Variants in LRRC4C observed in about 807,000 individuals in gnomAD.
The protein encoded by LRRC4C is leucine rich repeat containing 4C.
Under a neutral mutation model 33.6 loss-of-function variants are expected in LRRC4C, and 5 were observed. The ratio of observed to expected loss-of-function variants is 0.15; its 90% CI spans 0.08 to 0.31. The LOEUF (loss-of-function observed/expected upper bound fraction) is 0.31. Among genes scored for constraint, LRRC4C ranks in the 10% least tolerant of loss-of-function variants. The pLI is 1.00. For synonymous variants in LRRC4C, 329 were observed against 302.0 expected, an observed-to-expected ratio of 1.09 and a Z score of -0.93; for missense variants, 560 against 796.7, an observed-to-expected ratio of 0.70 and a Z score of 3.58.
intron 2 of LRRC4C, among the ~76,000 whole-genome samples, chr11:40,771,076 C>T (rs1160249571): frequency 1.3e-5 from 2 of 152,212 alleles, no homozygotes; most frequent in Non-Finnish European, 2.9e-5. Context: ...TCTGAACTCA[C>T]CTTTCCCTTC....
intron 3 of LRRC4C, among the ~76,000 whole-genome samples, chr11:40,513,495 C>T (rs1331266957): frequency 6.6e-6 from 1 of 152,042 alleles, no homozygotes; most frequent in Non-Finnish European, 1.5e-5. Flanking sequence ...AAGCACAGTG[C>T]AGCTGATAAG....
chr11:40,402,439 A>G (rs1949795771), intron 3 of LRRC4C, among the ~76,000 whole-genome samples: 1 of 152,114 alleles, frequency 6.6e-6, no homozygotes. Flanking sequence ...ACTAAGACTC[A>G]TGACTACAGA....
intron 4 of LRRC4C, among the ~76,000 whole-genome samples, chr11:40,313,841 T>A (rs1268594578): frequency 1.3e-5 from 2 of 151,896 alleles, no homozygotes; most frequent in Non-Finnish European, 2.9e-5. Flanking sequence ...TCTCGATCTC[T>A]TGACCTCGTG....
At chr11:41,348,624 C>G (rs1379686293) in intron 1 of LRRC4C, among the ~76,000 whole-genome samples, 1 of 151,344 alleles carries the variant, frequency 6.6e-6, no homozygotes, top group East Asian at 2.0e-4. Context: ...AAGACTGTTA[C>G]ACCCTGAACA....
At chr11:40,991,945 G>C (rs1853603034) in intron 1 of LRRC4C, among the ~76,000 whole-genome samples, 1 of 152,128 alleles carries the variant, frequency 6.6e-6, no homozygotes, top group Non-Finnish European at 1.5e-5. Context: ...CAGTTCCTAA[G>C]AGGCCACCAA....
At chr11:40,144,823 A>G (rs982470174) in intron 5 of LRRC4C, among the ~76,000 whole-genome samples, 1 of 152,246 alleles carries the variant, frequency 6.6e-6, no homozygotes, top group Non-Finnish European at 1.5e-5. Flanking sequence ...TCCCTATTAC[A>G]TGGTCTTTTA....
intron 1 of LRRC4C, among the ~76,000 whole-genome samples, chr11:40,988,812 G>T (rs1853286394): frequency 6.7e-6 from 1 of 149,232 alleles, no homozygotes; most frequent in Admixed American, 6.8e-5. Flanking sequence ...CACCTCCCGG[G>T]TTCATGCCAT....
chr11:40,803,752 C>T lies in LRRC4C; in HGVS notation c.-407+129883G>A, dbSNP rs892452467. Reference sequence around the variant, plus strand: ...CCTCCCAAAGTGCTGGGATTACAGGCGTGAGCCACCACGCCCGGCCTAATT... The same window carrying T: ...CCTCCCAAAGTGCTGGGATTACAGGTGTGAGCCACCACGCCCGGCCTAATT... On this transcript the variant is annotated intron_variant, in intron 2 of 6. Transcript: ENST00000528697. Among the ~76,000 whole-genome samples the T allele has an allele frequency of 8.5e-5, 13 of 152,188 alleles. No individual in the cohort carries two copies. In the South Asian group the frequency reaches 1.5e-3, roughly 17 times the overall value.
chr11:41,229,402 T>C (rs1427202463), intron 1 of LRRC4C, among the ~76,000 whole-genome samples: 2 of 152,120 alleles, frequency 1.3e-5, no homozygotes, highest in African/African-American at 4.8e-5. Context: ...GTGTATGGTA[T>C]TCTTTTGTGG....
intron 3 of LRRC4C, among the ~76,000 whole-genome samples, chr11:40,566,234 G>T (rs1465890433): frequency 6.6e-6 from 1 of 150,942 alleles, no homozygotes; most frequent in African/African-American, 2.4e-5. Flanking sequence ...AATTGGATTT[G>T]CTCATTATTT....
chr11:40,647,180 A>C (rs888898570), intron 3 of LRRC4C, among the ~76,000 whole-genome samples: 2 of 152,216 alleles, frequency 1.3e-5, no homozygotes, highest in Admixed American at 6.5e-5. Context: ...ACTGAGAGAG[A>C]GCTAAATATT....
At chr11:40,414,209 G>A (rs61888685) in intron 3 of LRRC4C, among the ~76,000 whole-genome samples, 8,370 of 152,098 alleles carry the variant, frequency 0.055, 326 homozygotes, top group Middle Eastern at 0.11. Context: ...TTAAAATCGT[G>A]TTGTAAAAGA....
chr11:40,582,210 G>A (rs550622051), intron 3 of LRRC4C, among the ~76,000 whole-genome samples: 36 of 152,110 alleles, frequency 2.4e-4, no homozygotes, highest in African/African-American at 7.0e-4. Flanking sequence ...ACATTTTTAC[G>A]TAAGGTTTTA....
At chr11:40,220,307 T>G (rs1317155788) in intron 5 of LRRC4C, among the ~76,000 whole-genome samples, 1 of 152,160 alleles carries the variant, frequency 6.6e-6, no homozygotes, top group East Asian at 1.9e-4. Flanking sequence ...GTCATGAAAG[T>G]TTTAGAGTTG....
At chr11:40,431,385 ACT>A (rs1565380995) in intron 3 of LRRC4C, among the ~76,000 whole-genome samples, 3 of 94,550 alleles carry the variant, frequency 3.2e-5, no homozygotes, top group Non-Finnish European at 3.9e-5. Flanking sequence ...ACAGGGCGAG[ACT>A]CTGTCTCAAA....
At chr11:40,785,614 A>T (rs1304528619) in intron 2 of LRRC4C, among the ~76,000 whole-genome samples, 3 of 152,198 alleles carry the variant, frequency 2.0e-5, no homozygotes, top group Non-Finnish European at 2.9e-5. Flanking sequence ...TCTTTATCTG[A>T]TTCACTGGAA....
chr11:40,221,023 C>T (rs1430713090), intron 5 of LRRC4C, among the ~76,000 whole-genome samples: 4 of 151,826 alleles, frequency 2.6e-5, no homozygotes, highest in South Asian at 2.1e-4. Flanking sequence ...TTACAGTCGT[C>T]GGCCACCATG....
intron 3 of LRRC4C, among the ~76,000 whole-genome samples, chr11:40,518,653 G>T (rs1052359473): frequency 2.0e-5 from 3 of 152,220 alleles, no homozygotes; most frequent in Non-Finnish European, 2.9e-5. Flanking sequence ...CTGTTGGTGG[G>T]AGTGTAAATT....
intron 5 of LRRC4C, among the ~76,000 whole-genome samples, chr11:40,216,085 G>A (rs377267741): frequency 2.3e-3 from 346 of 152,180 alleles, no homozygotes; most frequent in Admixed American, 4.4e-3. Flanking sequence ...TGGAGCAAAT[G>A]GAGCAAATAA....
Sources: allele counts gnomAD v4.1 joint callset (sites outside exome capture counted in the v4.1 genomes callset), GRCh38; gene constraint gnomAD v4.1.1; transcripts MANE v1.5; gene names NCBI Gene and HGNC (gene_info 2026-07-23, HGNC 2026-07-21).